Variants in ARL13B observed in about 807,000 individuals in gnomAD.
ARL13B encodes the protein ADP-ribosylation factor-like protein 13B.
ARL13B carries 36 observed loss-of-function variants against 56.1 expected under a neutral mutation model. The observed-to-expected ratio is 0.64, with a 90% CI of 0.49 to 0.85. The LOEUF is 0.85. Ranked by LOEUF, ARL13B falls within the 40% of genes least tolerant of loss-of-function variation. ARL13B has a pLI of 0.00. For synonymous variants in ARL13B, 178 were observed against 171.1 expected (o/e 1.04, Z -0.32); for missense variants, 519 against 507.1 (o/e 1.02, Z -0.23).
intron 3 of ARL13B, among the ~76,000 whole-genome samples, chr3:94,028,102 A>T (rs1232530145): frequency 6.6e-6 from 1 of 152,152 alleles, no homozygotes; most frequent in Non-Finnish European, 1.5e-5. Context: ...ATGAGAGCTT[A>T]CTTTTTAAAA....
At chr3:94,016,304 AG>A (rs1348853145) in intron 3 of ARL13B, among the ~76,000 whole-genome samples, 5 of 152,190 alleles carry the variant, frequency 3.3e-5, no homozygotes, top group Admixed American at 1.3e-4. Context: ...CAGAAAAAAA[AG>A]GTCTCTGAAT....
At chr3:94,046,030 G>C (rs1211403091) in intron 7 of ARL13B, among the ~76,000 whole-genome samples, 5 of 146,480 alleles carry the variant, frequency 3.4e-5, no homozygotes, top group Non-Finnish European at 6.0e-5. Context: ...GTATTGACTA[G>C]AGGATAGACA....
chr3:93,995,313 G>A (rs2075947360), intron 1 of ARL13B, among the ~76,000 whole-genome samples: 1 of 151,798 alleles, frequency 6.6e-6, no homozygotes, highest in African/African-American at 2.4e-5. Context: ...TTTTTAAGTT[G>A]ACTAGGTGTT....
chr3:94,053,843 A>T lies in ARL13B; in HGVS notation c.*580A>T, dbSNP rs1434919633. 2 of 301,198 alleles carry T rather than the reference A, an allele frequency of 6.6e-6. No homozygotes were observed. The highest frequency in any genetic ancestry group is 6.1e-5 in the South Asian group (2 of 32,646). The allele number at this position is 301,198 out of a possible 1,614,324, so 18.7% of individuals were successfully genotyped here. On this transcript the variant is annotated 3_prime_UTR_variant, in exon 10 of 10. Coordinates refer to ENST00000394222, the MANE Select transcript of ARL13B (RefSeq NM_001174150.2). Reference sequence around the variant, plus strand: ...TTCAGACATGAACTATACAAACAGGATATATTTATATGGCTTGAGGTATGT... The same window carrying T: ...TTCAGACATGAACTATACAAACAGGTTATATTTATATGGCTTGAGGTATGT...
intron 3 of ARL13B, among the ~76,000 whole-genome samples, chr3:94,010,947 A>T (rs2076214460): frequency 6.6e-6 from 1 of 152,072 alleles, no homozygotes. Context: ...AGAAGGAACA[A>T]CAGAGAGACG....
chr3:94,019,408 G>A (rs1559989420), intron 3 of ARL13B, among the ~76,000 whole-genome samples: 1 of 151,118 alleles, frequency 6.6e-6, no homozygotes, highest in East Asian at 2.0e-4. Flanking sequence ...TATTGGTCAG[G>A]TTGGTCTTGA....
At chr3:94,020,237 T>A (rs1311991230) in intron 3 of ARL13B, among the ~76,000 whole-genome samples, 1 of 152,194 alleles carries the variant, frequency 6.6e-6, no homozygotes, top group African/African-American at 2.4e-5. Flanking sequence ...GAGATCTTGA[T>A]ATCTTAGATT....
At chr3:93,983,461 T>C (rs1710309213) in intron 1 of ARL13B, among the ~76,000 whole-genome samples, 1 of 152,196 alleles carries the variant, frequency 6.6e-6, no homozygotes, top group African/African-American at 2.4e-5. Context: ...ATTTTATTGT[T>C]CCTAAGTTTA....
At chr3:94,025,727 A>G (rs894150026) in intron 3 of ARL13B, among the ~76,000 whole-genome samples, 6 of 152,130 alleles carry the variant, frequency 3.9e-5, no homozygotes, top group African/African-American at 7.2e-5. Context: ...AGGTAGTATT[A>G]TGTAGGCCTA....
chr3:94,044,364 G>A (rs2076936088), intron 7 of ARL13B, among the ~76,000 whole-genome samples: 1 of 145,336 alleles, frequency 6.9e-6, no homozygotes, highest in Non-Finnish European at 1.5e-5. Context: ...GGGATGTGAG[G>A]AGCGTCTCTG....
intron 2 of ARL13B, among the ~76,000 whole-genome samples, chr3:93,998,957 A>G (rs1183634773): frequency 6.7e-6 from 1 of 149,994 alleles, no homozygotes; most frequent in African/African-American, 2.5e-5. Context: ...TGTGAAATTG[A>G]GAAAAAGTTA....
At chr3:94,006,507 A>G (rs529822588) in intron 3 of ARL13B, among the ~76,000 whole-genome samples, 3 of 151,922 alleles carry the variant, frequency 2.0e-5, no homozygotes, top group South Asian at 2.1e-4. Flanking sequence ...CCTCCCTTCA[A>G]TTCCTCTTCT....
intron 1 of ARL13B, among the ~76,000 whole-genome samples, chr3:93,982,419 G>A (rs576599505): frequency 6.6e-6 from 1 of 152,188 alleles, no homozygotes; most frequent in Non-Finnish European, 1.5e-5. Context: ...TTAAGATGCT[G>A]TAAGTGTATG....
intron 2 of ARL13B, chr3:93,996,434 G>T: frequency 5.5e-6 from 1 of 181,602 alleles, no homozygotes; most frequent in Non-Finnish European, 1.2e-5. Flanking sequence ...TATATCATAC[G>T]TACTGCATCT....
intron 5 of ARL13B, among the ~76,000 whole-genome samples, chr3:94,038,010 C>T (rs960954240): frequency 3.3e-5 from 5 of 152,086 alleles, no homozygotes; most frequent in Admixed American, 6.5e-5. Context: ...AATTGACATT[C>T]GGAGACGGGT....
intron 6 of ARL13B, among the ~76,000 whole-genome samples, chr3:94,041,589 G>A (rs983048030): frequency 2.0e-5 from 3 of 152,040 alleles, no homozygotes; most frequent in African/African-American, 4.8e-5. Flanking sequence ...ATTCTACAAA[G>A]TTAAAAAGCA....
intron 6 of ARL13B, 59 bp from the exon 7 acceptor site, chr3:94,042,956 T>A: frequency 7.0e-7 from 1 of 1,420,956 alleles, no homozygotes; most frequent in Non-Finnish European, 9.6e-7. Flanking sequence ...TTCCTCTCCC[T>A]TAAAACTATC....
Position 94,055,038 on chromosome 3 carries a change from G to A in ARL13B, c.*1775G>A, listed in dbSNP as rs563142267. The A allele has an allele frequency of 1.1e-4, 39 of 354,926 alleles. No homozygotes were observed. Among genetic ancestry groups the A allele is most frequent in the Admixed American group, 1.9e-4 (5 of 26,034 alleles). The allele number at this position is 354,926 out of a possible 1,614,324, so 22.0% of individuals were successfully genotyped here. Reference sequence around the variant, plus strand: ...TTTTCTATCTGTTTACTATAGTGTAGCTACTGGCTTCATTTAATAAAAATA... The same window carrying A: ...TTTTCTATCTGTTTACTATAGTGTAACTACTGGCTTCATTTAATAAAAATA... On this transcript the variant is annotated 3_prime_UTR_variant, in exon 10 of 10. Transcript: ENST00000394222.
At position 94,053,605 on chromosome 3, in the gene ARL13B, T is replaced by G. The variant is rs544022690; in HGVS notation, c.*342T>G. The stretch of plus-strand genomic sequence containing the variant: ...AATGGACTCAGCACTTTCTTTACTA[T>G]TTGTTCAATAGCCTATATTTCTAGA... On this transcript the variant is annotated 3_prime_UTR_variant, in exon 10 of 10. Coordinates refer to ENST00000394222, the MANE Select transcript of ARL13B (RefSeq NM_001174150.2). 1 of 483,506 alleles carries G rather than the reference T, an allele frequency of 2.1e-6. No individual in the cohort carries two copies. The highest frequency in any genetic ancestry group is 1.6e-5 in the South Asian group (1 of 64,314). 30.0% of individuals were successfully genotyped at this position (483,506 alleles called of 1,614,324 possible).
Sources: allele counts gnomAD v4.1 joint callset (sites outside exome capture counted in the v4.1 genomes callset), GRCh38; gene constraint gnomAD v4.1.1; transcripts MANE v1.5; gene names NCBI Gene and HGNC (gene_info 2026-07-23, HGNC 2026-07-21).